BTBD9: variants seen among roughly 807,000 people sequenced by gnomAD.
BTBD9 encodes the protein BTB domain containing 9, also known as BTB/POZ domain-containing protein 9.
A neutral mutation model predicts 64.3 loss-of-function variants in BTBD9; 49 were observed. The observed-to-expected ratio is 0.76, with a 90% CI of 0.61 to 0.97. BTBD9 has a LOEUF of 0.97. BTBD9 is among the 50% of genes least tolerant of loss of function. The pLI is 0.00. For missense variants in BTBD9, 598 were observed against 762.1 expected, an observed-to-expected ratio of 0.78 and a Z score of 2.53; for synonymous variants, 260 against 274.7, an observed-to-expected ratio of 0.95 and a Z score of 0.53.
intron 7 of BTBD9, 51 bp from the exon 8 acceptor site, chr6:38,288,512 A>T: frequency 6.7e-7 from 1 of 1,484,596 alleles, no homozygotes; most frequent in Non-Finnish European, 9.4e-7. Context: ...AGCCAAATAT[A>T]TCTCTATAGT....
intron 6 of BTBD9, among the ~76,000 whole-genome samples, chr6:38,443,759 C>T (rs1226698030): frequency 6.6e-6 from 1 of 152,202 alleles, no homozygotes; most frequent in Non-Finnish European, 1.5e-5. Context: ...ATCTCCTGCC[C>T]TTGTTGCTAC....
Position 38,416,990 on chromosome 6 carries a change from G to A in BTBD9, c.1155-71897C>T, listed in dbSNP as rs570014571. 5.3e-5 allele frequency among the ~76,000 whole-genome samples: 8 copies of A among 152,290 alleles called. No individual in the cohort carries two copies. In the South Asian group the frequency reaches 1.7e-3, roughly 32 times the overall value. On this transcript the variant is annotated intron_variant, in intron 6 of 10. Transcript: ENST00000481247. ...CTTGCCCTGTTGCCCAGGCTGGAGT[G>A]CAGTGGTGCAATCACAGCTCACCGT...
At chr6:38,596,530 G>A (rs1277154960) in intron 2 of BTBD9, among the ~76,000 whole-genome samples, 7 of 151,740 alleles carry the variant, frequency 4.6e-5, no homozygotes, top group Non-Finnish European at 1.0e-4. Flanking sequence ...GCCAGGTGCA[G>A]TGGCTCAAGC....
intron 1 of BTBD9, among the ~76,000 whole-genome samples, chr6:38,611,201 A>G (rs771641936): frequency 5.9e-5 from 9 of 152,188 alleles, no homozygotes; most frequent in Non-Finnish European, 1.0e-4. Flanking sequence ...ACAGACATAG[A>G]AAAAAGAATT....
chr6:38,362,459 C>T (rs1313398174), intron 6 of BTBD9, among the ~76,000 whole-genome samples: 1 of 152,140 alleles, frequency 6.6e-6, no homozygotes, highest in Non-Finnish European at 1.5e-5. Context: ...AAATGGTAAT[C>T]ATTGTAAGAA....
chr6:38,413,771 A>C (rs1382939166), intron 6 of BTBD9, among the ~76,000 whole-genome samples: 1 of 152,092 alleles, frequency 6.6e-6, no homozygotes, highest in Non-Finnish European at 1.5e-5. Flanking sequence ...ATTTTTTTTA[A>C]ACAATATTCT....
intron 6 of BTBD9, among the ~76,000 whole-genome samples, chr6:38,389,211 GA>G (rs1330427460): frequency 2.6e-5 from 4 of 152,078 alleles, no homozygotes. Flanking sequence ...CCCTTGCTGG[GA>G]AAGTTTCATT....
chr6:38,482,549 C>T (rs942367238), intron 6 of BTBD9: 5 of 151,978 alleles, frequency 3.3e-5, no homozygotes, highest in African/African-American at 1.2e-4. Flanking sequence ...GAATTACTTT[C>T]CTTTCTACCG....
At chr6:38,571,677 G>C (rs1046120980) in intron 6 of BTBD9, 2 of 152,094 alleles carry the variant, frequency 1.3e-5, no homozygotes, top group Non-Finnish European at 2.9e-5. Context: ...TAAAACAATG[G>C]GCCAGGCATG....
intron 7 of BTBD9, among the ~76,000 whole-genome samples, chr6:38,321,456 C>T (rs1484744480): frequency 2.6e-5 from 4 of 152,138 alleles, no homozygotes; most frequent in African/African-American, 9.7e-5. Context: ...AAAGGCTAAC[C>T]TTTCAAGAGA....
chr6:38,527,819 C>A (rs184229430), intron 6 of BTBD9, among the ~76,000 whole-genome samples: 3 of 136,194 alleles, frequency 2.2e-5, no homozygotes, highest in African/African-American at 9.8e-5. Flanking sequence ...TTTTTTTAAT[C>A]ATGACAAATC....
At chr6:38,245,045 G>A (rs768252054) in intron 9 of BTBD9, among the ~76,000 whole-genome samples, 9 of 152,258 alleles carry the variant, frequency 5.9e-5, no homozygotes, top group Non-Finnish European at 1.5e-5. Context: ...ACATGCATAC[G>A]TGACTGGAGA....
chr6:38,333,381 T>C (rs920373114), intron 7 of BTBD9, among the ~76,000 whole-genome samples: 8 of 152,226 alleles, frequency 5.3e-5, no homozygotes, highest in Non-Finnish European at 1.2e-4. Flanking sequence ...AAGTTAGTTT[T>C]GTGCAGTATT....
At chr6:38,439,803 C>G (rs1768939453) in intron 6 of BTBD9, among the ~76,000 whole-genome samples, 1 of 152,166 alleles carries the variant, frequency 6.6e-6, no homozygotes, top group Non-Finnish European at 1.5e-5. Flanking sequence ...AAGAAATCCT[C>G]CCTCCTCAAC....
chr6:38,436,127 A>G (rs1768725262), intron 6 of BTBD9, among the ~76,000 whole-genome samples: 1 of 151,968 alleles, frequency 6.6e-6, no homozygotes, highest in Admixed American at 6.5e-5. Context: ...ACTGATAAGT[A>G]GATAAATAGA....
chr6:38,352,274 G>C (rs1480293233), intron 6 of BTBD9, among the ~76,000 whole-genome samples: 1 of 151,972 alleles, frequency 6.6e-6, no homozygotes, highest in African/African-American at 2.4e-5. Flanking sequence ...CTACTTGGGA[G>C]ACTGAGGTGG....
intron 6 of BTBD9, among the ~76,000 whole-genome samples, chr6:38,505,614 ACT>A (rs1772444601): frequency 6.7e-6 from 1 of 148,838 alleles, no homozygotes; most frequent in African/African-American, 2.5e-5. Flanking sequence ...ACACAGCGAG[ACT>A]CTGTCTCAAG....
chr6:38,388,798 A>G (rs1181523901), intron 6 of BTBD9, among the ~76,000 whole-genome samples: 7 of 152,190 alleles, frequency 4.6e-5, no homozygotes, highest in Non-Finnish European at 1.0e-4. Flanking sequence ...TAAACTGAAA[A>G]CTAAAGTTAA....
At chr6:38,373,952 T>C (rs1765526639) in intron 6 of BTBD9, among the ~76,000 whole-genome samples, 2 of 152,064 alleles carry the variant, frequency 1.3e-5, no homozygotes, top group African/African-American at 2.4e-5. Flanking sequence ...ATGCCTAGCA[T>C]CTTTCTGAAA....
Sources: gnomAD v4.1 joint callset for allele counts (sites outside exome capture counted in the v4.1 genomes callset) on GRCh38, gnomAD v4.1.1 for gene constraint, MANE v1.5 for transcripts, NCBI Gene and HGNC (gene_info 2026-07-23, HGNC 2026-07-21) for gene names.